Variants in FOXO1 observed in about 807,000 individuals in gnomAD.
FOXO1 encodes the protein forkhead box protein O1.
Under a neutral mutation model 44.1 loss-of-function variants are expected in FOXO1, and 6 were observed. The observed-to-expected ratio is 0.14, with a 90% confidence interval of 0.07 to 0.27. FOXO1 has a LOEUF of 0.27. FOXO1 is among the 10% of genes least tolerant of loss of function. The pLI is 1.00. For missense variants in FOXO1, 737 were observed against 888.8 expected, an observed-to-expected ratio of 0.83 and a Z score of 2.17; for synonymous variants, 380 against 362.7, an observed-to-expected ratio of 1.05 and a Z score of -0.54.
intron 1 of FOXO1, among the ~76,000 whole-genome samples, chr13:40,622,192 T>C (rs1566078094): frequency 6.6e-6 from 1 of 152,218 alleles, no homozygotes; most frequent in African/African-American, 2.4e-5. Flanking sequence ...TTAAATAAGG[T>C]ATACAATATG....
intron 1 of FOXO1, among the ~76,000 whole-genome samples, chr13:40,596,666 T>A (rs1010397061): frequency 6.6e-6 from 1 of 152,192 alleles, no homozygotes; most frequent in Non-Finnish European, 1.5e-5. Context: ...ATCAGGGCCA[T>A]CCTTCTGCAA....
intron 1 of FOXO1, among the ~76,000 whole-genome samples, chr13:40,641,681 C>A (rs1047325037): frequency 6.6e-6 from 1 of 152,026 alleles, no homozygotes. Flanking sequence ...GAGTCACAGA[C>A]CTAGGTTAAA....
chr13:40,610,440 A>G (rs2137889995), intron 1 of FOXO1, among the ~76,000 whole-genome samples: 1 of 152,286 alleles, frequency 6.6e-6, no homozygotes, highest in East Asian at 1.9e-4. Flanking sequence ...TAAGCAGGTA[A>G]TCCTAGGCCC....
intron 1 of FOXO1, among the ~76,000 whole-genome samples, chr13:40,601,567 TC>T (rs1875815335): frequency 1.3e-5 from 2 of 152,220 alleles, no homozygotes; most frequent in Admixed American, 1.3e-4. Context: ...TTGTTCTCAA[TC>T]CCCAAGCAAA....
intron 1 of FOXO1, among the ~76,000 whole-genome samples, chr13:40,661,986 A>G (rs939456524): frequency 1.3e-5 from 2 of 151,808 alleles, no homozygotes; most frequent in Non-Finnish European, 2.9e-5. Context: ...AGCCAAGCCA[A>G]TATGTGAAAC....
chr13:40,666,628 C>G lies in FOXO1; in HGVS notation c.-416G>C, dbSNP rs1470314388. ...CGGCTGCTGCGACTACCAGGCCGCC[C>G]GACTTACGGGATCTGCCGCCGCCCC... On this transcript the variant is annotated 5_prime_UTR_variant, in exon 1 of 3. Transcript: ENST00000379561. 2.2e-5 allele frequency: 4 copies of G among 178,938 alleles called. No individual in the cohort carries two copies. Among genetic ancestry groups the G allele is most frequent in the African/African-American group, 4.7e-5 (2 of 42,198 alleles). 11.1% of individuals were successfully genotyped at this position (178,938 alleles called of 1,614,324 possible).
At chr13:40,566,004 G>A (rs1403706205) in intron 1 of FOXO1, among the ~76,000 whole-genome samples, 1 of 152,154 alleles carries the variant, frequency 6.6e-6, no homozygotes, top group Non-Finnish European at 1.5e-5. Flanking sequence ...AAATACTAAG[G>A]TGAGGCTGTC....
At chr13:40,623,008 T>C (rs1373449501) in intron 1 of FOXO1, among the ~76,000 whole-genome samples, 3 of 152,124 alleles carry the variant, frequency 2.0e-5, no homozygotes, top group African/African-American at 4.8e-5. Flanking sequence ...AACACACTTA[T>C]ACAGCCAAAT....
chr13:40,665,254 T>A (rs1425837657), intron 1 of FOXO1, among the ~76,000 whole-genome samples: 1 of 151,148 alleles, frequency 6.6e-6, no homozygotes, highest in African/African-American at 2.4e-5. Flanking sequence ...GGGCCGGGGG[T>A]TGCCGCTCCC....
intron 1 of FOXO1, chr13:40,611,027 C>G (rs1361988555): frequency 2.2e-6 from 1 of 455,732 alleles, no homozygotes; most frequent in South Asian, 1.6e-5. Context: ...TTACTTGTTG[C>G]AAACTCTCAA....
intron 1 of FOXO1, among the ~76,000 whole-genome samples, chr13:40,610,138 T>A (rs1028628874): frequency 6.6e-6 from 1 of 152,162 alleles, no homozygotes; most frequent in African/African-American, 2.4e-5. Flanking sequence ...TGCATCCACC[T>A]GCCACACCCT....
At chr13:40,570,136 AC>A (rs1874427585) in intron 1 of FOXO1, among the ~76,000 whole-genome samples, 2 of 150,706 alleles carry the variant, frequency 1.3e-5, no homozygotes, top group African/African-American at 4.9e-5. Flanking sequence ...ACATGGTGAA[AC>A]CCCCTCTACT....
At chr13:40,625,552 A>G (rs1249160073) in intron 1 of FOXO1, among the ~76,000 whole-genome samples, 1 of 152,136 alleles carries the variant, frequency 6.6e-6, no homozygotes, top group African/African-American at 2.4e-5. Context: ...TTTTTTTTAC[A>G]ATAATCCGTT....
intron 1 of FOXO1, among the ~76,000 whole-genome samples, chr13:40,647,241 C>T (rs1232731054): frequency 1.3e-5 from 2 of 152,130 alleles, no homozygotes; most frequent in African/African-American, 2.4e-5. Context: ...GGCCACCACC[C>T]CACCAAAAAC....
At chr13:40,610,129 G>A (rs1468654123) in intron 1 of FOXO1, among the ~76,000 whole-genome samples, 1 of 152,130 alleles carries the variant, frequency 6.6e-6, no homozygotes, top group Non-Finnish European at 1.5e-5. Context: ...AGGACACGCT[G>A]CATCCACCTG....
chr13:40,633,070 C>A (rs1030661234), intron 1 of FOXO1, among the ~76,000 whole-genome samples: 9 of 152,224 alleles, frequency 5.9e-5, no homozygotes, highest in African/African-American at 2.2e-4. Context: ...TACCACTTCA[C>A]ACCCACTAGA....
intron 1 of FOXO1, among the ~76,000 whole-genome samples, chr13:40,657,724 T>C (rs1224273993): frequency 1.3e-5 from 2 of 152,230 alleles, no homozygotes; most frequent in Non-Finnish European, 2.9e-5. Context: ...TATATCATAG[T>C]TACTTACACA....
intron 1 of FOXO1, among the ~76,000 whole-genome samples, chr13:40,583,659 A>T (rs1352154983): frequency 1.3e-5 from 2 of 152,010 alleles, no homozygotes; most frequent in African/African-American, 4.8e-5. Context: ...ACCTCCCTCA[A>T]CCTTCACAGA....
At chr13:40,618,774 G>C (rs1876508251) in intron 1 of FOXO1, 1 of 506,232 alleles carries the variant, frequency 2.0e-6, no homozygotes, top group African/African-American at 1.9e-5. Flanking sequence ...TGGTGGTGGT[G>C]ACGAAACCTT....
Sources: allele counts gnomAD v4.1 joint callset (sites outside exome capture counted in the v4.1 genomes callset), GRCh38; gene constraint gnomAD v4.1.1; transcripts MANE v1.5; gene names NCBI Gene and HGNC (gene_info 2026-07-23, HGNC 2026-07-21).